Variants in SKOR2 observed in about 807,000 individuals in gnomAD.
The protein encoded by SKOR2 is SKI family transcriptional corepressor 2, also known as LBX1 corepressor 1-like protein.
In SKOR2, 47 loss-of-function variants were observed where a neutral mutation model predicts 69.1. The ratio of observed to expected loss-of-function variants is 0.68; its 90% confidence interval spans 0.54 to 0.87. The LOEUF is 0.87. Ranked by LOEUF, SKOR2 falls within the 40% of genes least tolerant of loss-of-function variation. The pLI is 0.00. For synonymous variants in SKOR2, 717 were observed against 672.6 expected (o/e 1.07, Z -1.02); for missense variants, 1,404 against 1,472.2 (o/e 0.95, Z 0.76).
intron 6 of SKOR2, among the ~76,000 whole-genome samples, chr18:47,220,507 A>G (rs1002318451): frequency 1.3e-5 from 2 of 152,102 alleles, no homozygotes; most frequent in Non-Finnish European, 2.9e-5. Context: ...CCTAAGAGAG[A>G]ATACTTCGGC....
chr18:47,248,038 G>T lies in SKOR2; in HGVS notation c.1146C>A (p.Val382=). ...ACGAGCCCTTGCTGGGCACCGGGAT[G>T]ACTGGGTAGCTGCGCGGGCCTTTGG... ...AGAKGPRSYP[V]IPVPSKGSFG... The change falls in exon 2 of 9, where the codon GTC becomes GTA. Residue 382 remains valine (V), a synonymous_variant. Transcript: ENST00000425639. This position sits in a 1 kb window ranked among gnomAD's most constrained non-coding sequence, Gnocchi z 6.4. The T allele has an allele frequency of 1.4e-6, 2 of 1,441,112 alleles. No individual in the cohort carries two copies. Among genetic ancestry groups the T allele is most frequent in the Non-Finnish European group, 9.1e-7 (1 of 1,098,646 alleles). The allele number at this position is 1,441,112 out of a possible 1,614,324, so 89.3% of individuals were successfully genotyped here. A position where few individuals can be genotyped will look rare whatever the true frequency, so the allele number is the denominator to read the frequency against.
intron 4 of SKOR2, among the ~76,000 whole-genome samples, chr18:47,232,265 G>T (rs879430086): frequency 1.2e-4 from 18 of 152,018 alleles, no homozygotes; most frequent in African/African-American, 3.6e-4. Flanking sequence ...GCTCTTCCTC[G>T]ACCAAAGAAA....
At chr18:47,245,011 C>T in intron 3 of SKOR2, 29 bp from the exon 4 acceptor site, 2 of 1,523,744 alleles carry the variant, frequency 1.3e-6, no homozygotes, top group Non-Finnish European at 1.8e-6. Context: ...ACAAAATCTG[C>T]AAGTGATCCA....
At chr18:47,240,204 C>T (rs557368492) in intron 4 of SKOR2, among the ~76,000 whole-genome samples, 4 of 152,232 alleles carry the variant, frequency 2.6e-5, no homozygotes, top group African/African-American at 4.8e-5. Context: ...ATGGCACCAG[C>T]GTTTCTCCAG....
In SKOR2 at chr18:47,248,573, G is replaced by A; in HGVS notation, c.611C>T (p.Ala204Val). 1 of 1,538,630 alleles carries A rather than the reference G, an allele frequency of 6.5e-7. No homozygotes were observed. Among genetic ancestry groups the A allele is most frequent in the Non-Finnish European group, 8.7e-7 (1 of 1,147,426 alleles). Residue 204 changes from alanine (A) to valine (V), a missense_variant, in exon 2 of 9, where the codon GCC (alanine) becomes GTC (valine). Ala to Val is a moderately conservative substitution (Grantham distance 64, BLOSUM62 0). This residue lies in a region of SKOR2 where 1,266 missense variants were observed against 1,309.9 expected (regional missense o/e 0.97). Transcript: ENST00000425639. The surrounding 1 kb of genome is among the most constrained non-coding windows in gnomAD (Gnocchi z 6.4). ...ATGACGGCGCCACGAGTTGAAGTTG[G>A]CTGCGTCTGGCTGAGTGTACTTGGC... ...PDAKYTQPDA[A>V]NFNSWRRHLK...
At position 47,248,788 on chromosome 18, in the gene SKOR2, G is replaced by A. The variant is rs749462279; in HGVS notation, c.396C>T (p.Gly132=). The A allele has an allele frequency of 1.3e-6, 2 of 1,551,788 alleles. No individual in the cohort carries two copies. The highest frequency in any genetic ancestry group is 1.9e-5 in the Admixed American group (1 of 52,814). The change falls in exon 2 of 9, where the codon GGC becomes GGT. Residue 132 remains glycine (G), a synonymous_variant. Coordinates refer to ENST00000425639, the MANE Select transcript of SKOR2 (RefSeq NM_001278063.4). The surrounding 1 kb of genome is among the most constrained non-coding windows in gnomAD (Gnocchi z 6.4). ...EAERLCKSFL[G]ENRPPKLPDN... is the part of the protein sequence containing the mutation. ...CTGGCAGCTTGGGCGGCCTGTTTTC[G>A]CCCAGGAACGACTTGCACAGACGCT...
chr18:47,237,374 G>A (rs951175299), intron 4 of SKOR2, among the ~76,000 whole-genome samples: 2 of 152,206 alleles, frequency 1.3e-5, no homozygotes, highest in Admixed American at 6.5e-5. Flanking sequence ...TATGTCTACT[G>A]TAGCCTCCAA....
chr18:47,217,585 C>G (rs996996335), intron 7 of SKOR2, among the ~76,000 whole-genome samples: 1 of 152,128 alleles, frequency 6.6e-6, no homozygotes, highest in African/African-American at 2.4e-5. Flanking sequence ...AAGAGGACTG[C>G]TATATGAGAG....
chr18:47,222,269 T>C (rs1303073962), intron 6 of SKOR2, among the ~76,000 whole-genome samples: 3 of 151,512 alleles, frequency 2.0e-5, no homozygotes, highest in African/African-American at 7.3e-5. Context: ...TGAGCTGAGA[T>C]TGCACCACTG....
At chr18:47,243,189 C>G (rs2064256581) in intron 4 of SKOR2, among the ~76,000 whole-genome samples, 1 of 152,148 alleles carries the variant, frequency 6.6e-6, no homozygotes, top group African/African-American at 2.4e-5. Flanking sequence ...ACAGACCTAG[C>G]AAAGGTCTCC....
At chr18:47,231,939 G>A (rs763369254) in intron 4 of SKOR2, among the ~76,000 whole-genome samples, 1 of 151,558 alleles carries the variant, frequency 6.6e-6, no homozygotes, top group Admixed American at 6.6e-5. Flanking sequence ...CCAGGAGTTC[G>A]AGACCAACCT....
intron 7 of SKOR2, among the ~76,000 whole-genome samples, chr18:47,213,257 T>C (rs780496829): frequency 6.6e-5 from 10 of 151,804 alleles, no homozygotes; most frequent in Non-Finnish European, 1.0e-4. Context: ...TTATTCTACA[T>C]GTAAAGAATG....
intron 6 of SKOR2, among the ~76,000 whole-genome samples, chr18:47,227,221 C>T (rs969716326): frequency 1.3e-5 from 2 of 151,914 alleles, no homozygotes; most frequent in African/African-American, 4.8e-5. Context: ...CCTCCTCCTC[C>T]TCCTCCACCT....
At position 47,248,191 on chromosome 18, in the gene SKOR2, G is replaced by A. The variant is rs1247105066; in HGVS notation, c.993C>T (p.Ala331=). The A allele has an allele frequency of 3.2e-6, 4 of 1,231,582 alleles. No individual in the cohort carries two copies. The highest frequency in any genetic ancestry group is 7.6e-5 in the South Asian group (2 of 26,430). The allele number at this position is 1,231,582 out of a possible 1,614,324, so 76.3% of individuals were successfully genotyped here. ...AAVVAAASLS[A]AAASLSVAAA... is the part of the protein sequence containing the mutation. The stretch of plus-strand genomic sequence containing the variant: ...CAGCCACAGAGAGGCTGGCGGCTGC[G>A]GCCGAGAGGCTGGCGGCGGCCACTA... The change falls in exon 2 of 9, where the codon GCC becomes GCT. Residue 331 remains alanine, a synonymous_variant. Transcript: ENST00000425639. This position sits in a 1 kb window ranked among gnomAD's most constrained non-coding sequence, Gnocchi z 6.4.
chr18:47,216,572 G>A (rs2064144616), intron 7 of SKOR2, among the ~76,000 whole-genome samples: 1 of 152,164 alleles, frequency 6.6e-6, no homozygotes, highest in African/African-American at 2.4e-5. Flanking sequence ...GTGCAGAAAT[G>A]ACAGTCAACA....
At chr18:47,230,223 C>A in intron 6 of SKOR2, among the ~76,000 whole-genome samples, 1 of 151,888 alleles carries the variant, frequency 6.6e-6, no homozygotes, top group East Asian at 1.9e-4. Context: ...GTACAACATG[C>A]ACATACAGAT....
In SKOR2 at chr18:47,248,138, C is replaced by T; in HGVS notation, c.1046G>A (p.Gly349Glu). 1.0e-5 allele frequency: 13 copies of T among 1,273,586 alleles called. No homozygotes were observed. The highest frequency in any genetic ancestry group is 3.0e-5 in the South Asian group (1 of 33,838). 78.9% of individuals were successfully genotyped at this position (1,273,586 alleles called of 1,614,324 possible). Residue 349 changes from glycine (G) to glutamate (E), a missense_variant, in exon 2 of 9, where the codon GGG becomes GAG. By Grantham distance (98) the Gly-to-Glu change is moderately conservative (BLOSUM62 -2). Coordinates refer to ENST00000425639, the MANE Select transcript of SKOR2 (RefSeq NM_001278063.4). The surrounding 1 kb of genome is among the most constrained non-coding windows in gnomAD (Gnocchi z 6.4). ...AAASGGAGTG[G>E]GGAGGGCVAG... is the part of the protein sequence containing the mutation. ...CACACAGCCACCCCCAGCGCCGCCC[C>T]CACCAGTCCCCGCGCCGCCCGAAGC...
At chr18:47,223,204 T>C (rs2064167278) in intron 6 of SKOR2, among the ~76,000 whole-genome samples, 1 of 151,642 alleles carries the variant, frequency 6.6e-6, no homozygotes, top group Non-Finnish European at 1.5e-5. Context: ...AATAAGAAAA[T>C]GAACACATCA....
At chr18:47,238,796 C>T (rs934463388) in intron 4 of SKOR2, among the ~76,000 whole-genome samples, 1 of 152,154 alleles carries the variant, frequency 6.6e-6, no homozygotes, top group Non-Finnish European at 1.5e-5. Flanking sequence ...CAGGGGAGCA[C>T]ACCCTAGAAG....
Sources: allele counts gnomAD v4.1 joint callset (sites outside exome capture counted in the v4.1 genomes callset), GRCh38; gene constraint gnomAD v4.1.1; regional missense constraint gnomAD v4.1.1; non-coding constraint Gnocchi (gnomAD v3.1); transcripts MANE v1.5; gene names NCBI Gene and HGNC (gene_info 2026-07-23, HGNC 2026-07-21).